Variants in IFFO2 observed in about 807,000 individuals in gnomAD.
IFFO2 encodes the protein intermediate filament family orphan 2.
In IFFO2, 19 loss-of-function variants were observed where a neutral mutation model predicts 53.5. The ratio of observed to expected loss-of-function variants is 0.36; its 90% CI spans 0.25 to 0.52. The LOEUF is 0.52. Among genes scored for constraint, IFFO2 ranks in the 20% least tolerant of loss-of-function variants. The pLI is 0.94. For synonymous variants in IFFO2, 303 were observed against 313.6 expected, an observed-to-expected ratio of 0.97 and a Z score of 0.36; for missense variants, 570 against 727.4, an observed-to-expected ratio of 0.78 and a Z score of 2.49.
At chr1:18,912,309 AT>A (rs56042056) in intron 5 of IFFO2, among the ~76,000 whole-genome samples, 79,310 of 151,002 alleles carry the variant, frequency 0.53, 22,479 homozygotes, top group Admixed American at 0.64. Context: ...AAAAATGTGT[AT>A]TTTTTTTTTA....
chr1:18,920,668 C>T (rs1285285949), intron 2 of IFFO2, among the ~76,000 whole-genome samples: 1 of 152,170 alleles, frequency 6.6e-6, no homozygotes, highest in Non-Finnish European at 1.5e-5. Context: ...CTGCCCTCTC[C>T]AAGGCCTTCA....
chr1:18,920,075 C>T (rs1172667758), intron 2 of IFFO2, among the ~76,000 whole-genome samples: 4 of 152,254 alleles, frequency 2.6e-5, no homozygotes, highest in Non-Finnish European at 5.9e-5. Flanking sequence ...CCGTGTGAAA[C>T]TGCCAGTATT....
Position 18,956,581 on chromosome 1 carries a change from C to T in IFFO2, c.-249G>A, listed in dbSNP as rs1936732741. 1 of 154,758 alleles carries T rather than the reference C, an allele frequency of 6.5e-6. No homozygotes were observed. The highest frequency in any genetic ancestry group is 1.4e-5 in the Non-Finnish European group (1 of 69,928). 9.6% of individuals were successfully genotyped at this position (154,758 alleles called of 1,614,324 possible). ...CGCGGTGGAGGCCGCGGTATCTGCG[C>T]GGGGCCAGAAGGGTCGCGGGTCTCA... On this transcript the variant is annotated 5_prime_UTR_variant, in exon 1 of 9. Transcript: ENST00000455833. This position sits in a 1 kb window ranked among gnomAD's most constrained non-coding sequence, Gnocchi z 6.4.
intron 5 of IFFO2, among the ~76,000 whole-genome samples, chr1:18,914,575 G>A (rs556229843): frequency 3.3e-5 from 5 of 152,158 alleles, no homozygotes; most frequent in South Asian, 2.1e-4. Context: ...CCAGGACTTC[G>A]GGAGGCCAAG....
At position 18,917,735 on chromosome 1, in the gene IFFO2, G is replaced by A. The variant is rs945206263; in HGVS notation, c.963+627C>T. 2.0e-5 allele frequency among the ~76,000 whole-genome samples: 3 copies of A among 152,002 alleles called. No individual in the cohort carries two copies. The highest frequency in any genetic ancestry group is 4.4e-5 in the Non-Finnish European group (3 of 68,024). On this transcript the variant is annotated intron_variant, in intron 4 of 8. Transcript: ENST00000455833. This position sits in a 1 kb window ranked among gnomAD's most constrained non-coding sequence, Gnocchi z 5.9. ...AAGCAGCCTTCGGAGAATGACATGT[G>A]CCTCATTCGGCTGGACTGGCCCCCC...
At chr1:18,923,839 T>A (rs1351123340) in intron 1 of IFFO2, among the ~76,000 whole-genome samples, 21 of 152,058 alleles carry the variant, frequency 1.4e-4, no homozygotes, top group Admixed American at 1.4e-3. Context: ...TGGCACTGAG[T>A]GGCCAGGCTC....
chr1:18,904,676 TCTGGCTTTAC>T lies in IFFO2; in HGVS notation c.*3875_*3884del, dbSNP rs570290856. 2.0e-5 allele frequency: 3 copies of T among 152,258 alleles called. No homozygotes were observed. The highest frequency in any genetic ancestry group is 7.2e-5 in the African/African-American group (3 of 41,512). 9.4% of individuals were successfully genotyped at this position (152,258 alleles called of 1,614,324 possible). ...ATAGAAAATTCCCTTCCAGAGAGAA[TCTGGCTTTAC>T]CTGCACCCACCCAGTCCCCTCCAGA... On this transcript the variant is annotated 3_prime_UTR_variant, in exon 9 of 9. Transcript: ENST00000455833.
At position 18,936,326 on chromosome 1, in the gene IFFO2, T is replaced by A. The variant is rs1936446702; in HGVS notation, c.666-15205A>T. 6.6e-6 allele frequency among the ~76,000 whole-genome samples: 1 copy of A among 152,180 alleles called. No individual in the cohort carries two copies. Among genetic ancestry groups the A allele is most frequent in the Admixed American group, 6.5e-5 (1 of 15,278 alleles). ...TGCATGGAGCAGATGATGGGAAAGT[T>A]GGTGTCCACGGCTCTCCATCCCTGG... On this transcript the variant is annotated intron_variant, in intron 1 of 8. Transcript: ENST00000455833. The surrounding 1 kb of genome is among the most constrained non-coding windows in gnomAD (Gnocchi z 4.5).
chr1:18,924,517 C>T (rs1183200377), intron 1 of IFFO2, among the ~76,000 whole-genome samples: 2 of 152,152 alleles, frequency 1.3e-5, no homozygotes, highest in Admixed American at 1.3e-4. Context: ...TTTGGATCAG[C>T]GGTTTGCAGA....
At position 18,918,981 on chromosome 1, in the gene IFFO2, AACTAGGGTC is replaced by A; in HGVS notation, c.823-488_823-480del. Reference sequence around the variant, plus strand: ...AGTGAGAGGGAGCCCAGTGGCCTCCAACTAGGGTCCTGGGAGGCTTCTACCAACCACACC... The same window carrying A: ...AGTGAGAGGGAGCCCAGTGGCCTCCACTGGGAGGCTTCTACCAACCACACC... On this transcript the variant is annotated intron_variant, in intron 3 of 8. Coordinates refer to ENST00000455833, the MANE Select transcript of IFFO2 (RefSeq NM_001136265.2). This position sits in a 1 kb window ranked among gnomAD's most constrained non-coding sequence, Gnocchi z 5.2. Among the ~76,000 whole-genome samples the A allele has an allele frequency of 6.6e-6, 1 of 152,212 alleles. No individual in the cohort carries two copies. The highest frequency in any genetic ancestry group is 2.1e-4 in the South Asian group (1 of 4,824).
At chr1:18,932,584 T>C (rs973151371) in intron 1 of IFFO2, among the ~76,000 whole-genome samples, 2 of 152,218 alleles carry the variant, frequency 1.3e-5, no homozygotes, top group Non-Finnish European at 1.5e-5. Flanking sequence ...CAGGTTGTTG[T>C]AGTAAATGAG....
intron 1 of IFFO2, among the ~76,000 whole-genome samples, chr1:18,923,257 C>A (rs2148170515): frequency 6.6e-6 from 1 of 152,368 alleles, no homozygotes; most frequent in Middle Eastern, 3.4e-3. Flanking sequence ...CCCCGACACT[C>A]CCCATTCCCC....
At chr1:18,929,665 G>C (rs149642322) in intron 1 of IFFO2, among the ~76,000 whole-genome samples, 1 of 13,458 alleles carries the variant, frequency 7.4e-5, no homozygotes, top group Non-Finnish European at 1.5e-4. Context: ...TGACTTGAGA[G>C]GTGAGAGGTG....
At position 18,918,294 on chromosome 1, in the gene IFFO2, A is replaced by G; in HGVS notation, c.963+68T>C. ...GTGGAGGCAAACGGGTTGGCCGGGC[A>G]GGGGTGGAGGCCAGGGCTGCTCTGG... On this transcript the variant is annotated intron_variant, in intron 4 of 8. Coordinates refer to ENST00000455833, the MANE Select transcript of IFFO2 (RefSeq NM_001136265.2). The surrounding 1 kb of genome is among the most constrained non-coding windows in gnomAD (Gnocchi z 5.2). 1 of 1,487,842 alleles carries G rather than the reference A, an allele frequency of 6.7e-7. No homozygotes were observed. The highest frequency in any genetic ancestry group is 9.1e-7 in the Non-Finnish European group (1 of 1,095,626). The allele number at this position is 1,487,842 out of a possible 1,614,324, so 92.2% of individuals were successfully genotyped here. A position where few individuals can be genotyped will look rare whatever the true frequency, so the allele number is the denominator to read the frequency against.
Position 18,908,169 on chromosome 1 carries a change from C to T in IFFO2, c.*392G>A, listed in dbSNP as rs965794822. On this transcript the variant is annotated 3_prime_UTR_variant, in exon 9 of 9. Transcript: ENST00000455833. ...GGGACGGACGGCAGAAACCACATTA[C>T]ACCACGGCCGGTTGGCCCGGCCCTC... 5 of 230,350 alleles carry T rather than the reference C, an allele frequency of 2.2e-5. No individual in the cohort carries two copies. Among genetic ancestry groups the T allele is most frequent in the Admixed American group, 4.9e-5 (1 of 20,386 alleles). 14.3% of individuals were successfully genotyped at this position (230,350 alleles called of 1,614,324 possible).
At chr1:18,933,238 G>T (rs1224480119) in intron 1 of IFFO2, among the ~76,000 whole-genome samples, 1 of 152,190 alleles carries the variant, frequency 6.6e-6, no homozygotes. Context: ...GGCACTGGCT[G>T]CCTTGTGCCA....
At chr1:18,950,256 G>C (rs577583763) in intron 1 of IFFO2, among the ~76,000 whole-genome samples, 1 of 152,346 alleles carries the variant, frequency 6.6e-6, no homozygotes, top group African/African-American at 2.4e-5. Flanking sequence ...CCATGGGACA[G>C]AGAGAGCGGC....
intron 1 of IFFO2, among the ~76,000 whole-genome samples, chr1:18,930,055 C>A (rs1352901579): frequency 6.6e-6 from 1 of 152,186 alleles, no homozygotes; most frequent in African/African-American, 2.4e-5. Flanking sequence ...ACTCTGGAGC[C>A]AGAGGGTCCT....
intron 1 of IFFO2, among the ~76,000 whole-genome samples, chr1:18,935,864 A>AT (rs757253270): frequency 0.01 from 963 of 95,408 alleles, 16 homozygotes; most frequent in East Asian, 0.018. Flanking sequence ...TAATTTTTCT[A>AT]TTTTTTTTTT....
Sources: gnomAD v4.1 joint callset for allele counts (sites outside exome capture counted in the v4.1 genomes callset) on GRCh38, gnomAD v4.1.1 for gene constraint, Gnocchi (gnomAD v3.1) non-coding constraint, MANE v1.5 for transcripts, NCBI Gene and HGNC (gene_info 2026-07-23, HGNC 2026-07-21) for gene names.